ARFGEF3: variants seen among roughly 807,000 people sequenced by gnomAD.
ARFGEF3 encodes the protein brefeldin A-inhibited guanine nucleotide-exchange protein 3.
A neutral mutation model predicts 221.7 loss-of-function variants in ARFGEF3; 96 were observed. That is an observed-to-expected ratio of 0.43 (90% confidence interval 0.37 to 0.51). The LOEUF (loss-of-function observed/expected upper bound fraction) is 0.51, where lower values mean the gene tolerates loss of function less well. Ranked by LOEUF, ARFGEF3 falls within the 20% of genes least tolerant of loss-of-function variation. The pLI is 0.00. For synonymous variants in ARFGEF3, 1,145 were observed against 1,126.8 expected (o/e 1.02, Z -0.32); for missense variants, 2,410 against 2,789.9 (o/e 0.86, Z 3.07).
In ARFGEF3 at chr6:138,341,279, T is replaced by C. The variant is rs113655368; in HGVS notation, c.*4793T>C. 2,410 of 154,902 alleles carry C rather than the reference T, an allele frequency of 0.016. 34 individuals are homozygous for C. Among genetic ancestry groups the C allele is most frequent in the Non-Finnish European group, 0.02 (1,381 of 68,220 alleles). 9.6% of individuals were successfully genotyped at this position (154,902 alleles called of 1,614,324 possible). A position where few individuals can be genotyped will look rare whatever the true frequency, so the allele number is the denominator to read the frequency against. Reference sequence around the variant, plus strand: ...GTTTGGGAATATGCAAAATAATGGATAACCATTTTTCAAAATGTACATTCT... The same window carrying C: ...GTTTGGGAATATGCAAAATAATGGACAACCATTTTTCAAAATGTACATTCT... On this transcript the variant is annotated 3_prime_UTR_variant, in exon 34 of 34. Transcript: ENST00000251691.
rs756667194 is a variant in ARFGEF3 at position 138,263,069 on chromosome 6, C to T, written c.1586C>T (p.Ser529Leu). The T allele has an allele frequency of 2.1e-5, 34 of 1,613,294 alleles. No homozygotes were observed. The highest frequency in any genetic ancestry group is 2.6e-5 in the Non-Finnish European group (31 of 1,179,622). ...ELGQTTPEDHSGNHKNSLKSP... is the reference protein window; with the variant it reads ...ELGQTTPEDHLGNHKNSLKSP... ...GGTCAGACTACACCCGAGGACCATT[C>T]GGGAAACCACAAGAACAGTCTCAAG... The change falls in exon 12 of 34, where the codon TCG (serine) becomes TTG (leucine). Residue 529 changes from serine to leucine, a missense_variant. Ser to Leu is a moderately radical substitution (Grantham distance 145). This residue lies in a region of ARFGEF3 where 594 missense variants were observed against 734.3 expected (regional missense o/e 0.81). Coordinates refer to ENST00000251691, the MANE Select transcript of ARFGEF3 (RefSeq NM_020340.5).
At chr6:138,306,788 T>C (rs1220074509) in intron 22 of ARFGEF3, among the ~76,000 whole-genome samples, 2 of 151,718 alleles carry the variant, frequency 1.3e-5, no homozygotes, top group African/African-American at 4.8e-5. Context: ...AAATTCAAAA[T>C]GGGTCATGAT....
intron 31 of ARFGEF3, among the ~76,000 whole-genome samples, chr6:138,327,374 G>A (rs1478942557): frequency 6.6e-6 from 1 of 152,186 alleles, no homozygotes; most frequent in African/African-American, 2.4e-5. Context: ...ACTCGAGCCT[G>A]GGACGTTGAG....
At chr6:138,194,296 G>A (rs1777368218) in intron 2 of ARFGEF3, among the ~76,000 whole-genome samples, 1 of 151,682 alleles carries the variant, frequency 6.6e-6, no homozygotes, top group South Asian at 2.1e-4. Context: ...AGATAGTGAT[G>A]GTATTTTCCC....
Position 138,343,095 on chromosome 6 carries a change from A to G in ARFGEF3, c.*6609A>G, listed in dbSNP as rs568802174. ...TCAGTGAAATCATGTTAACTCATAT[A>G]GAGGGGGCCTTAGTTTATCTCTTCT... On this transcript the variant is annotated 3_prime_UTR_variant, in exon 34 of 34. Transcript: ENST00000251691. 1.2e-3 allele frequency: 183 copies of G among 152,340 alleles called. 1 individual carries two copies. The highest frequency in any genetic ancestry group is 4.3e-3 in the African/African-American group (178 of 41,582). The allele number at this position is 152,340 out of a possible 1,614,324, so 9.4% of individuals were successfully genotyped here. A position where few individuals can be genotyped will look rare whatever the true frequency, so the allele number is the denominator to read the frequency against.
At chr6:138,277,434 T>C (rs181645529) in intron 12 of ARFGEF3, among the ~76,000 whole-genome samples, 54 of 152,364 alleles carry the variant, frequency 3.5e-4, no homozygotes, top group African/African-American at 1.2e-3. Context: ...TGAACACTGA[T>C]GTACAAACGT....
At chr6:138,258,835 C>T (rs117064672) in intron 10 of ARFGEF3, among the ~76,000 whole-genome samples, 2,062 of 152,280 alleles carry the variant, frequency 0.014, 31 homozygotes, top group Middle Eastern at 0.054. Context: ...TCAGAAATGA[C>T]AGGCACTACA....
In ARFGEF3 at chr6:138,184,768, A is replaced by AT. The variant is rs562209656; in HGVS notation, c.137+14058dup. ...CATTTTTACTTACAGACTTAAAGAA[A>AT]TTTCTTTGAGCTGGCCTCTCTCATG... On this transcript the variant is annotated intron_variant, in intron 2 of 33. Coordinates refer to ENST00000251691, the MANE Select transcript of ARFGEF3 (RefSeq NM_020340.5). 1.0e-3 allele frequency among the ~76,000 whole-genome samples: 159 copies of AT among 152,300 alleles called. 2 individuals carry two copies. The South Asian group carries it at 0.025, about 24-fold the overall frequency.
chr6:138,318,631 C>T (rs1779968127), intron 27 of ARFGEF3, among the ~76,000 whole-genome samples: 1 of 152,058 alleles, frequency 6.6e-6, no homozygotes. Flanking sequence ...ACATGCATTC[C>T]AAAAGTCCTA....
At chr6:138,217,126 A>G (rs1383982789) in intron 4 of ARFGEF3, 1 of 152,234 alleles carries the variant, frequency 6.6e-6, no homozygotes, top group Non-Finnish European at 1.5e-5. Context: ...TATTTTTGAG[A>G]TGGAGATTTT....
intron 28 of ARFGEF3, 87 bp from the exon 29 acceptor site, chr6:138,321,024 A>G: frequency 1.4e-6 from 1 of 739,762 alleles, no homozygotes. Flanking sequence ...TATCATTCAG[A>G]CTTTCCTCTG....
chr6:138,232,441 G>T (rs1011778894), intron 5 of ARFGEF3, among the ~76,000 whole-genome samples: 4 of 152,204 alleles, frequency 2.6e-5, no homozygotes, highest in African/African-American at 4.8e-5. Context: ...GGCGGAGGCT[G>T]CAGTGAGCCT....
At position 138,191,275 on chromosome 6, in the gene ARFGEF3, G is replaced by T. The variant is rs530593104; in HGVS notation, c.138-15767G>T. 5.3e-5 allele frequency among the ~76,000 whole-genome samples: 8 copies of T among 152,238 alleles called. No homozygotes were observed. The East Asian group carries it at 1.4e-3, about 26-fold the overall frequency. On this transcript the variant is annotated intron_variant, in intron 2 of 33. Transcript: ENST00000251691. ...TTACTTACCATCTCTGAGCCTGTCT[G>T]CCCATTGATAACATGGAAATAATTA...
intron 9 of ARFGEF3, among the ~76,000 whole-genome samples, chr6:138,254,214 C>T (rs1161939548): frequency 4.6e-5 from 7 of 151,876 alleles, no homozygotes; most frequent in Non-Finnish European, 1.0e-4. Flanking sequence ...GCCAGGAGCT[C>T]GAGACCAGCC....
intron 17 of ARFGEF3, among the ~76,000 whole-genome samples, chr6:138,288,595 AGGACAATTGCTTGAACCT>A (rs1779340502): frequency 6.6e-6 from 1 of 152,054 alleles, no homozygotes; most frequent in Admixed American, 6.6e-5. Context: ...AGGCTGAGGC[AGGACAATTGCTTGAACCT>A]GGGAGAGGTT....
Position 138,291,697 on chromosome 6 carries a change from C to T in ARFGEF3, c.3048-36C>T. 1 of 1,291,328 alleles carries T rather than the reference C, an allele frequency of 7.7e-7. No individual in the cohort carries two copies. The highest frequency in any genetic ancestry group is 9.9e-7 in the Non-Finnish European group (1 of 1,007,970). The allele number at this position is 1,291,328 out of a possible 1,614,324, so 80.0% of individuals were successfully genotyped here. A position where few individuals can be genotyped will look rare whatever the true frequency, so the allele number is the denominator to read the frequency against. ...TTTATGGAGCTGCCGGGGTGAGCTG[C>T]AGCGCCTAACAGCTGCTTGTCTGTG... is the stretch of plus-strand genomic sequence containing the variant. On this transcript the variant is annotated intron_variant, in intron 18 of 33. Coordinates refer to ENST00000251691, the MANE Select transcript of ARFGEF3 (RefSeq NM_020340.5). This position sits in a 1 kb window ranked among gnomAD's most constrained non-coding sequence, Gnocchi z 4.5.
At position 138,311,503 on chromosome 6, in the gene ARFGEF3, G is replaced by A. The variant is rs1246494442; in HGVS notation, c.4193G>A (p.Cys1398Tyr). Residue 1398 changes from cysteine (C) to tyrosine (Y), a missense_variant, in exon 25 of 34, where the codon TGC (cysteine) becomes TAC (tyrosine). Around this residue, in one of 5 missense-constraint regions of ARFGEF3, gnomAD observed 723 missense variants for 991.9 expected, o/e 0.73. Coordinates refer to ENST00000251691, the MANE Select transcript of ARFGEF3 (RefSeq NM_020340.5). Reference protein sequence around the residue: ...CLPALDYLRRCSQLLAKIYKM... With the variant: ...CLPALDYLRRYSQLLAKIYKM... ...CCGGCCCTGGATTACCTCAGGCGCT[G>A]CTCTCAGGTAGGGGAATGGTCCAGC... 6.3e-7 allele frequency: 1 copy of A among 1,589,878 alleles called. No homozygotes were observed. The highest frequency in any genetic ancestry group is 8.6e-7 in the Non-Finnish European group (1 of 1,167,398).
At position 138,200,255 on chromosome 6, in the gene ARFGEF3, C is replaced by T. The variant is rs138775595; in HGVS notation, c.138-6787C>T. The stretch of plus-strand genomic sequence containing the variant: ...TTGATCATGACCATGCTGCCAAAAA[C>T]AATCTATAAATTCAACACAATCCCC... On this transcript the variant is annotated intron_variant, in intron 2 of 33. Transcript: ENST00000251691. Among the ~76,000 whole-genome samples the T allele has an allele frequency of 2.6e-5, 4 of 152,188 alleles. No individual in the cohort carries two copies. In the East Asian group the frequency reaches 7.7e-4, roughly 29 times the overall value.
rs1481823509 is a variant in ARFGEF3, at chr6:138,238,643, A to G, written c.543+12A>G. On this transcript the variant is annotated intron_variant, in intron 6 of 33. Transcript: ENST00000251691. ...GGCAGGAGAATACGGTGAGTCTGTGACACCCCCATGTTCATCACCTTCCTG... is the reference window on the plus strand; with the variant it reads ...GGCAGGAGAATACGGTGAGTCTGTGGCACCCCCATGTTCATCACCTTCCTG... 6.2e-7 allele frequency: 1 copy of G among 1,612,472 alleles called. No homozygotes were observed. The highest frequency in any genetic ancestry group is 8.5e-7 in the Non-Finnish European group (1 of 1,179,244).
Sources: gnomAD v4.1 joint callset for allele counts (sites outside exome capture counted in the v4.1 genomes callset) on GRCh38, gnomAD v4.1.1 for gene constraint, gnomAD v4.1.1 regional missense constraint, Gnocchi (gnomAD v3.1) non-coding constraint, MANE v1.5 for transcripts, NCBI Gene and HGNC (gene_info 2026-07-23, HGNC 2026-07-21) for gene names.